Variants in SLC27A2 observed in about 807,000 individuals in gnomAD.
SLC27A2 encodes the protein long-chain fatty acid transport protein 2.
SLC27A2 carries 54 observed loss-of-function variants against 60.0 expected under a neutral mutation model. The ratio of observed to expected loss-of-function variants is 0.90; its 90% CI spans 0.72 to 1.13. The LOEUF (loss-of-function observed/expected upper bound fraction) is 1.13, where lower values mean the gene tolerates loss of function less well. SLC27A2 is among the 50% of genes most tolerant of loss of function. The probability of loss-of-function intolerance (pLI) is 0.00; values close to 1 mark genes in which losing one functional copy is unlikely to be tolerated. For synonymous variants in SLC27A2, 297 were observed against 297.6 expected (o/e 1.00, Z 0.02); for missense variants, 739 against 777.6 (o/e 0.95, Z 0.59).
At chr15:50,214,103 C>T (rs922060698) in intron 4 of SLC27A2, among the ~76,000 whole-genome samples, 1 of 151,856 alleles carries the variant, frequency 6.6e-6, no homozygotes, top group Admixed American at 6.6e-5. Flanking sequence ...ATCCAAATAA[C>T]CTCACTAAGA....
At chr15:50,205,625 T>C (rs2045106209) in intron 4 of SLC27A2, among the ~76,000 whole-genome samples, 1 of 152,150 alleles carries the variant, frequency 6.6e-6, no homozygotes, top group Non-Finnish European at 1.5e-5. Context: ...ATATCCTGCA[T>C]TTCCCCCTCT....
chr15:50,234,049 A>G lies in SLC27A2; in HGVS notation c.1686+51A>G, dbSNP rs531728971. On this transcript the variant is annotated intron_variant, in intron 9 of 9. Transcript: ENST00000267842. ...ATGATCTGTCCTCTTGGAGATTCCTACCACTTAGGGAACAACTCGCCTTCT... is the reference window on the plus strand; with the variant it reads ...ATGATCTGTCCTCTTGGAGATTCCTGCCACTTAGGGAACAACTCGCCTTCT... 1.1e-5 allele frequency: 16 copies of G among 1,506,674 alleles called. No homozygotes were observed. In the Admixed American group the frequency reaches 2.3e-4, roughly 21 times the overall value. 93.3% of individuals were successfully genotyped at this position (1,506,674 alleles called of 1,614,324 possible).
At chr15:50,213,551 C>T (rs547318737) in intron 4 of SLC27A2, among the ~76,000 whole-genome samples, 3 of 152,252 alleles carry the variant, frequency 2.0e-5, no homozygotes, top group East Asian at 3.9e-4. Flanking sequence ...AGATAGACCA[C>T]ATGGTGGCCC....
chr15:50,210,366 C>T (rs2045145248), intron 4 of SLC27A2, among the ~76,000 whole-genome samples: 1 of 152,204 alleles, frequency 6.6e-6, no homozygotes, highest in Non-Finnish European at 1.5e-5. Context: ...CTCCCGAACA[C>T]ATACTGGAGA....
chr15:50,182,243 C>T lies in SLC27A2; in HGVS notation c.-185C>T. 2.0e-6 allele frequency: 2 copies of T among 988,368 alleles called. No homozygotes were observed. Among genetic ancestry groups the T allele is most frequent in the Non-Finnish European group, 2.6e-6 (2 of 757,086 alleles). The allele number at this position is 988,368 out of a possible 1,614,324, so 61.2% of individuals were successfully genotyped here. A position where few individuals can be genotyped will look rare whatever the true frequency, so the allele number is the denominator to read the frequency against. On this transcript the variant is annotated 5_prime_UTR_variant, in exon 1 of 10. Coordinates refer to ENST00000267842, the MANE Select transcript of SLC27A2 (RefSeq NM_003645.4). ...AACGCGCATACGACTACACCTGCTCCGGAGCCCGCGGCGGTACCTGCAGCG... is the reference window on the plus strand; with the variant it reads ...AACGCGCATACGACTACACCTGCTCTGGAGCCCGCGGCGGTACCTGCAGCG...
At chr15:50,222,344 T>C (rs536996083) in intron 4 of SLC27A2, among the ~76,000 whole-genome samples, 1 of 152,334 alleles carries the variant, frequency 6.6e-6, no homozygotes, top group African/African-American at 2.4e-5. Flanking sequence ...GGGCAGGGCA[T>C]GGTCAAGACT....
At chr15:50,186,269 A>G (rs932087181) in intron 1 of SLC27A2, among the ~76,000 whole-genome samples, 1 of 151,974 alleles carries the variant, frequency 6.6e-6, no homozygotes. Context: ...AATTTCTGAG[A>G]TCATCCCCAA....
At chr15:50,216,194 A>G (rs186296863) in intron 4 of SLC27A2, among the ~76,000 whole-genome samples, 550 of 152,350 alleles carry the variant, frequency 3.6e-3, no homozygotes, top group Admixed American at 0.01. Context: ...AATGGCCAAT[A>G]AACATTAAAA....
At chr15:50,194,143 C>T (rs1481460425) in intron 1 of SLC27A2, among the ~76,000 whole-genome samples, 2 of 152,104 alleles carry the variant, frequency 1.3e-5, no homozygotes, top group Admixed American at 6.5e-5. Context: ...AGGACCCTGT[C>T]TCTAAAGAAA....
intron 1 of SLC27A2, 137 bp downstream of exon 1, chr15:50,183,042 T>G: frequency 1.2e-6 from 1 of 865,614 alleles, no homozygotes; most frequent in South Asian, 1.6e-5. Flanking sequence ...TGGCAGTGTT[T>G]CCTTGAATCG....
rs532439724 is a variant in SLC27A2, at chr15:50,215,660, A to G, written c.973-7305A>G. On this transcript the variant is annotated intron_variant, in intron 4 of 9. Transcript: ENST00000267842. ...GAATAGAGAACCCAGAAATAAAGCT[A>G]AATACTTACAGTCAACTGATCTTTG... Among the ~76,000 whole-genome samples the G allele has an allele frequency of 1.4e-3, 208 of 152,308 alleles. 1 individual carries two copies. Among genetic ancestry groups the G allele is most frequent in the Middle Eastern group, 6.8e-3 (2 of 294 alleles).
At chr15:50,215,388 C>G (rs2045187852) in intron 4 of SLC27A2, among the ~76,000 whole-genome samples, 1 of 152,098 alleles carries the variant, frequency 6.6e-6, no homozygotes, top group Admixed American at 6.5e-5. Context: ...GACCATACTG[C>G]CAAAAGCAAT....
intron 4 of SLC27A2, among the ~76,000 whole-genome samples, chr15:50,217,466 T>C (rs1006064635): frequency 2.6e-5 from 4 of 152,074 alleles, no homozygotes; most frequent in East Asian, 1.9e-4. Context: ...TCCTTTCCCC[T>C]GCACAGATAC....
chr15:50,227,339 T>C (rs1484338444), intron 7 of SLC27A2, among the ~76,000 whole-genome samples, 161 bp downstream of exon 7: 2 of 152,236 alleles, frequency 1.3e-5, no homozygotes, highest in Non-Finnish European at 2.9e-5. Context: ...ATGAAGTGCA[T>C]GAAGTGTCAC....
intron 2 of SLC27A2, among the ~76,000 whole-genome samples, chr15:50,200,557 A>G (rs1220362442): frequency 6.6e-6 from 1 of 152,216 alleles, no homozygotes; most frequent in Admixed American, 6.5e-5. Flanking sequence ...AGTTGCTGCT[A>G]TTTGGGCACT....
intron 4 of SLC27A2, among the ~76,000 whole-genome samples, chr15:50,218,829 AC>A (rs773158961): frequency 6.6e-6 from 1 of 152,242 alleles, no homozygotes; most frequent in Non-Finnish European, 1.5e-5. Context: ...AGACAAAGGG[AC>A]CCCCCAGGCT....
At chr15:50,202,677 G>A in intron 3 of SLC27A2, 32 bp downstream of exon 3, 4 of 1,603,914 alleles carry the variant, frequency 2.5e-6, no homozygotes, top group Non-Finnish European at 3.4e-6. Flanking sequence ...TTGGAGGCGA[G>A]TGCACATTTA....
chr15:50,213,982 T>G (rs573835908), intron 4 of SLC27A2, among the ~76,000 whole-genome samples: 18 of 140,460 alleles, frequency 1.3e-4, no homozygotes, highest in African/African-American at 4.9e-4. Context: ...TAAATGAAAT[T>G]GAAACAAACA....
chr15:50,203,009 T>C lies in SLC27A2; in HGVS notation c.847+364T>C, dbSNP rs537430644. Among the ~76,000 whole-genome samples, 441 of 87,452 alleles carry C rather than the reference T, an allele frequency of 5.0e-3. 1 individual carries two copies. The highest frequency in any genetic ancestry group is 0.018 in the African/African-American group (418 of 23,204). The allele number at this position is 87,452 out of a possible 152,430, so 57.4% of individuals were successfully genotyped here. ...AGCCTGGGCAACATAGCAAACCTCATCTCTAAAAAAAATATATATATATAT... is the reference window on the plus strand; with the variant it reads ...AGCCTGGGCAACATAGCAAACCTCACCTCTAAAAAAAATATATATATATAT... On this transcript the variant is annotated intron_variant, in intron 3 of 9. Coordinates refer to ENST00000267842, the MANE Select transcript of SLC27A2 (RefSeq NM_003645.4).
Sources: allele counts gnomAD v4.1 joint callset (sites outside exome capture counted in the v4.1 genomes callset), GRCh38; gene constraint gnomAD v4.1.1; transcripts MANE v1.5; gene names NCBI Gene and HGNC (gene_info 2026-07-23, HGNC 2026-07-21).